Variants in SCO1 observed in about 807,000 individuals in gnomAD.
The protein encoded by SCO1 is synthesis of cytochrome C oxidase 1, also known as cytochrome c oxidase assembly factor SCO1.
Under a neutral mutation model 34.0 loss-of-function variants are expected in SCO1, and 23 were observed. That is an observed-to-expected ratio of 0.68 (90% CI 0.49 to 0.96). The LOEUF (loss-of-function observed/expected upper bound fraction) is 0.96. SCO1 is among the 40% of genes least tolerant of loss of function. The probability of loss-of-function intolerance (pLI) is 0.00; values close to 1 mark genes in which losing one functional copy is unlikely to be tolerated. For synonymous variants in SCO1, 161 were observed against 145.5 expected (o/e 1.11, Z -0.77); for missense variants, 404 against 381.6 (o/e 1.06, Z -0.49).
Position 10,680,771 on chromosome 17 carries a change from A to ATT in SCO1, c.*347_*348insAA. On this transcript the variant is annotated 3_prime_UTR_variant, in exon 6 of 6. Transcript: ENST00000255390. Reference sequence around the variant, plus strand: ...TGAGCAAGGGCCCAAGACGATGGAGAGGCGGCAAAGCTGCTGGGAGGGCCT... The same window carrying ATT: ...TGAGCAAGGGCCCAAGACGATGGAGATTGGCGGCAAAGCTGCTGGGAGGGCCT... 8.2e-6 allele frequency: 3 copies of ATT among 367,770 alleles called. No individual in the cohort carries two copies. The highest frequency in any genetic ancestry group is 2.7e-5 in the South Asian group (1 of 37,514). 22.8% of individuals were successfully genotyped at this position (367,770 alleles called of 1,614,324 possible). A position where few individuals can be genotyped will look rare whatever the true frequency, so the allele number is the denominator to read the frequency against.
intron 3 of SCO1, 93 bp downstream of exon 3, chr17:10,692,671 G>C: frequency 9.6e-7 from 1 of 1,041,550 alleles, no homozygotes; most frequent in South Asian, 1.3e-5. Flanking sequence ...TCACATAATT[G>C]CAAAACCCCA....
chr17:10,679,014 T>C lies in SCO1; in HGVS notation c.*2105A>G, dbSNP rs986036767. 15 of 152,250 alleles carry C rather than the reference T, an allele frequency of 9.9e-5. No homozygotes were observed. Among genetic ancestry groups the C allele is most frequent in the African/African-American group, 3.4e-4 (14 of 41,430 alleles). 9.4% of individuals were successfully genotyped at this position (152,250 alleles called of 1,614,324 possible). On this transcript the variant is annotated 3_prime_UTR_variant, in exon 6 of 6. Transcript: ENST00000255390. ...AGGCTGGAGTACGATGGCGCAATCT[T>C]GCCTCACTGCCACCTCTGCCTCCTG... is the stretch of plus-strand genomic sequence containing the variant.
intron 2 of SCO1, among the ~76,000 whole-genome samples, chr17:10,695,111 A>C (rs890823786): frequency 1.3e-5 from 2 of 152,196 alleles, no homozygotes; most frequent in Admixed American, 1.3e-4. Flanking sequence ...AGTTCCTGGC[A>C]TTTCCTGACC....
At chr17:10,690,798 C>T (rs112112698) in intron 4 of SCO1, among the ~76,000 whole-genome samples, 128 of 152,218 alleles carry the variant, frequency 8.4e-4, no homozygotes, top group Non-Finnish European at 1.6e-3. Flanking sequence ...TACTCATCAA[C>T]AGGTGAATGG....
rs1767282286 is a variant in SCO1 at position 10,691,930 on chromosome 17, A to G, written c.597T>C (p.Leu199=). ...SITTLPDLTP[L]FISIDPERDT... is the part of the protein sequence containing the mutation. ...CCCTCTCTGGGTCAATGCTGATGAA[A>G]AGTGGAGTTAGATCTGGCAGAGTTG... Residue 199 remains leucine, a synonymous_variant, in exon 4 of 6, where the codon CTT becomes CTC. Coordinates refer to ENST00000255390, the MANE Select transcript of SCO1 (RefSeq NM_004589.4). 1 of 1,613,744 alleles carries G rather than the reference A, an allele frequency of 6.2e-7. No individual in the cohort carries two copies. The highest frequency in any genetic ancestry group is 2.2e-5 in the East Asian group (1 of 44,880).
chr17:10,685,967 C>T (rs2074652776), intron 5 of SCO1, among the ~76,000 whole-genome samples: 1 of 152,214 alleles, frequency 6.6e-6, no homozygotes, highest in South Asian at 2.1e-4. Flanking sequence ...GTGGCTCAGG[C>T]CTGTAATCCC....
Position 10,673,754 on chromosome 17 carries a change from G to A in SCO1, c.*7365C>T, listed in dbSNP as rs899236637. On this transcript the variant is annotated 3_prime_UTR_variant, in exon 6 of 6. Coordinates refer to ENST00000255390, the MANE Select transcript of SCO1 (RefSeq NM_004589.4). ...CTGAGCCCCGATAAGGCCCCACAGG[G>A]TAACCAAGCAGCATCTCTCCCTGCT... 6.6e-6 allele frequency: 1 copy of A among 152,200 alleles called. No individual in the cohort carries two copies. Among genetic ancestry groups the A allele is most frequent in the Non-Finnish European group, 1.5e-5 (1 of 68,042 alleles). The allele number at this position is 152,200 out of a possible 1,614,324, so 9.4% of individuals were successfully genotyped here. A position where few individuals can be genotyped will look rare whatever the true frequency, so the allele number is the denominator to read the frequency against.
chr17:10,687,948 A>C (rs900979681), intron 4 of SCO1, among the ~76,000 whole-genome samples: 7 of 152,232 alleles, frequency 4.6e-5, no homozygotes, highest in African/African-American at 1.7e-4. Context: ...GAGTTCATAA[A>C]TATCTGTTTT....
intron 4 of SCO1, among the ~76,000 whole-genome samples, chr17:10,689,814 G>C (rs1048652258): frequency 5.3e-5 from 8 of 152,144 alleles, no homozygotes; most frequent in African/African-American, 1.7e-4. Flanking sequence ...TCAAAACATA[G>C]TACAAAGCCA....
intron 2 of SCO1, among the ~76,000 whole-genome samples, chr17:10,695,329 T>A (rs1303548183): frequency 6.6e-6 from 1 of 152,188 alleles, no homozygotes. Context: ...CGTGTGCACC[T>A]CAAAGGCTCG....
chr17:10,693,584 C>T (rs892340269), intron 2 of SCO1, among the ~76,000 whole-genome samples: 1 of 152,168 alleles, frequency 6.6e-6, no homozygotes, highest in Non-Finnish European at 1.5e-5. Context: ...TATCTATTTT[C>T]TCACCATGTC....
In SCO1 at chr17:10,677,381, C is replaced by A. The variant is rs888515525; in HGVS notation, c.*3738G>T. On this transcript the variant is annotated 3_prime_UTR_variant, in exon 6 of 6. Transcript: ENST00000255390. ...ACAAACTAATTGGGTAACAAATGCT[C>A]GCATGGGTGACTGCTCTTTTAAAGG... is the stretch of plus-strand genomic sequence containing the variant. 1 of 152,044 alleles carries A rather than the reference C, an allele frequency of 6.6e-6. No individual in the cohort carries two copies. The highest frequency in any genetic ancestry group is 1.5e-5 in the Non-Finnish European group (1 of 68,008). 9.4% of individuals were successfully genotyped at this position (152,044 alleles called of 1,614,324 possible). A position where few individuals can be genotyped will look rare whatever the true frequency, so the allele number is the denominator to read the frequency against.
intron 4 of SCO1, among the ~76,000 whole-genome samples, 181 bp from the exon 5 acceptor site, chr17:10,687,023 C>T (rs1222027734): frequency 1.3e-5 from 2 of 152,156 alleles, no homozygotes; most frequent in East Asian, 1.9e-4. Context: ...AATGAAAATT[C>T]TCCTTTGTAA....
In SCO1 at chr17:10,692,854, G is replaced by T. The variant is rs761788065; in HGVS notation, c.472C>A (p.Gln158Lys). 39 of 1,613,962 alleles carry T rather than the reference G, an allele frequency of 2.4e-5. No individual in the cohort carries two copies. Among genetic ancestry groups the T allele is most frequent in the Non-Finnish European group, 3.3e-5 (39 of 1,179,964 alleles). ...AAGCCAAAATAAATCAATAACCACT[G>T]ACCCAAGTAGTCCTTGTCAGTTTTA... The part of the protein sequence containing the change: ...ERKTDKDYLG[Q>K]WLLIYFGFTH... Residue 158 changes from glutamine to lysine, a missense_variant, in exon 3 of 6, where the codon CAG becomes AAG. Gln to Lys is a moderately conservative substitution (Grantham distance 53, BLOSUM62 1). Transcript: ENST00000255390.
At chr17:10,693,548 T>C (rs1326152426) in intron 2 of SCO1, among the ~76,000 whole-genome samples, 1 of 152,218 alleles carries the variant, frequency 6.6e-6, no homozygotes, top group African/African-American at 2.4e-5. Context: ...TATATAGATA[T>C]AAATAAATAT....
intron 2 of SCO1, among the ~76,000 whole-genome samples, chr17:10,693,704 T>C (rs1275813521): frequency 6.6e-6 from 1 of 152,192 alleles, no homozygotes; most frequent in Non-Finnish European, 1.5e-5. Context: ...AAATGGCTGA[T>C]ACCAGGGTTG....
Position 10,677,635 on chromosome 17 carries a change from C to T in SCO1, c.*3484G>A, listed in dbSNP as rs965664474. On this transcript the variant is annotated 3_prime_UTR_variant, in exon 6 of 6. Coordinates refer to ENST00000255390, the MANE Select transcript of SCO1 (RefSeq NM_004589.4). The stretch of plus-strand genomic sequence containing the variant: ...GGTAGTCAGTAAATCTCACCTCTTA[C>T]ACTTAAGATATCAGCTGCTTCATGA... 5.3e-5 allele frequency: 8 copies of T among 152,216 alleles called. No homozygotes were observed. Among genetic ancestry groups the T allele is most frequent in the Non-Finnish European group, 8.8e-5 (6 of 68,034 alleles). The allele number at this position is 152,216 out of a possible 1,614,324, so 9.4% of individuals were successfully genotyped here. A position where few individuals can be genotyped will look rare whatever the true frequency, so the allele number is the denominator to read the frequency against.
rs2151451454 is a variant in SCO1, at chr17:10,680,786, T to C, written c.*333A>G. ...GACGATGGAGAGGCGGCAAAGCTGC[T>C]GGGAGGGCCTGTTCGCAGGCAGGAA... On this transcript the variant is annotated 3_prime_UTR_variant, in exon 6 of 6. Coordinates refer to ENST00000255390, the MANE Select transcript of SCO1 (RefSeq NM_004589.4). 5.1e-6 allele frequency: 2 copies of C among 389,008 alleles called. No individual in the cohort carries two copies. The highest frequency in any genetic ancestry group is 5.1e-5 in the South Asian group (2 of 39,256). 24.1% of individuals were successfully genotyped at this position (389,008 alleles called of 1,614,324 possible).
chr17:10,689,663 A>C (rs981392824), intron 4 of SCO1, among the ~76,000 whole-genome samples: 1 of 152,214 alleles, frequency 6.6e-6, no homozygotes, highest in African/African-American at 2.4e-5. Context: ...TGTTTGATTG[A>C]AATTCCTCCA....
Sources: gnomAD v4.1 joint callset for allele counts (sites outside exome capture counted in the v4.1 genomes callset) on GRCh38, gnomAD v4.1.1 for gene constraint, MANE v1.5 for transcripts, NCBI Gene and HGNC (gene_info 2026-07-23, HGNC 2026-07-21) for gene names.